GOLGA1: variants seen among roughly 807,000 people sequenced by gnomAD.
GOLGA1 encodes the protein golgin subfamily A member 1.
In GOLGA1, 63 loss-of-function variants were observed where a neutral mutation model predicts 119.7. That is an observed-to-expected ratio of 0.53 (90% CI 0.43 to 0.65). The LOEUF is 0.65. Among genes scored for constraint, GOLGA1 ranks in the 30% least tolerant of loss-of-function variants. The probability of loss-of-function intolerance (pLI) is 0.00; values close to 1 mark genes in which losing one functional copy is unlikely to be tolerated. For missense variants in GOLGA1, 798 were observed against 912.8 expected, an observed-to-expected ratio of 0.87 and a Z score of 1.62; for synonymous variants, 318 against 333.4, an observed-to-expected ratio of 0.95 and a Z score of 0.50.
At chr9:124,882,344 G>T (rs1490558090) in intron 20 of GOLGA1, among the ~76,000 whole-genome samples, 166 bp downstream of exon 20, 1 of 152,214 alleles carries the variant, frequency 6.6e-6, no homozygotes, top group Non-Finnish European at 1.5e-5. Context: ...GTGCATGCAG[G>T]CTGGCAGGCT....
chr9:124,902,690 C>T (rs138131112), intron 12 of GOLGA1, among the ~76,000 whole-genome samples: 2,136 of 145,394 alleles, frequency 0.015, 90 homozygotes, highest in Admixed American at 0.087. Flanking sequence ...AGGGTTTCAC[C>T]GTGTTAGCCA....
At position 124,881,267 on chromosome 9, in the gene GOLGA1, AG is replaced by A. The variant is rs1170187135; in HGVS notation, c.2137-11del. 1 of 1,570,418 alleles carries A rather than the reference AG, an allele frequency of 6.4e-7. No homozygotes were observed. Among genetic ancestry groups the A allele is most frequent in the South Asian group, 1.1e-5 (1 of 90,250 alleles). On this transcript the variant is annotated splice_polypyrimidine_tract_variant and intron_variant, in intron 21 of 22. Transcript: ENST00000373555. The surrounding 1 kb of genome is among the most constrained non-coding windows in gnomAD (Gnocchi z 4.9). ...TTATAAGATGAAAAGCCTGAAACAC[AG>A]TAAGTTTTGCTGCCATAGGCCTTGG...
intron 10 of GOLGA1, among the ~76,000 whole-genome samples, chr9:124,915,977 C>T (rs1830433753): frequency 1.3e-5 from 2 of 151,018 alleles, no homozygotes; most frequent in South Asian, 2.1e-4. Context: ...TGGCATGTGC[C>T]TATAGTCCCA....
rs576011656 is a variant in GOLGA1, at chr9:124,929,821, C to A, written c.227-531G>T. The stretch of plus-strand genomic sequence containing the variant: ...TTCTACACAGGAACTTGGTAACCTA[C>A]GCTACATTAAATGTGAATGTCAGAA... On this transcript the variant is annotated intron_variant, in intron 4 of 22. Coordinates refer to ENST00000373555, the MANE Select transcript of GOLGA1 (RefSeq NM_002077.4). Among the ~76,000 whole-genome samples, 12 of 152,176 alleles carry A rather than the reference C, an allele frequency of 7.9e-5. No individual in the cohort carries two copies. In the East Asian group the frequency reaches 1.2e-3, roughly 15 times the overall value.
chr9:124,944,057 G>A (rs1720667873), upstream of GOLGA1: 1 of 152,120 alleles, frequency 6.6e-6, no homozygotes, highest in Non-Finnish European at 1.5e-5. Flanking sequence ...TACCTCAACT[G>A]GAAGAATCAT....
chr9:124,898,518 TTA>T (rs1830028083), intron 15 of GOLGA1, 29 bp downstream of exon 15: 2 of 1,265,234 alleles, frequency 1.6e-6, no homozygotes, highest in Middle Eastern at 1.9e-4. Flanking sequence ...ATGAACACTT[TTA>T]TGAAACTTTG....
chr9:124,910,151 G>A (rs553750063), intron 11 of GOLGA1, among the ~76,000 whole-genome samples: 1 of 152,026 alleles, frequency 6.6e-6, no homozygotes, highest in African/African-American at 2.4e-5. Context: ...GGATGGTCTC[G>A]ATCTCCTGAT....
chr9:124,902,278 A>AT (rs1219870858), intron 12 of GOLGA1, among the ~76,000 whole-genome samples: 1 of 150,810 alleles, frequency 6.6e-6, no homozygotes, highest in African/African-American at 2.4e-5. Flanking sequence ...TACCCAGCTA[A>AT]TTTTTTCTAT....
intron 2 of GOLGA1, among the ~76,000 whole-genome samples, chr9:124,939,550 C>CTTTTTTTTTTTTTTTT (rs3051147): frequency 2.4e-5 from 2 of 81,858 alleles, no homozygotes; most frequent in Non-Finnish European, 4.7e-5. Flanking sequence ...TTCTTTCTTT[C>CTTTTTTTTTTTTTTTT]TTTTTTTTTT....
intron 11 of GOLGA1, among the ~76,000 whole-genome samples, chr9:124,910,442 T>C (rs1830318853): frequency 6.6e-6 from 1 of 152,226 alleles, no homozygotes; most frequent in Non-Finnish European, 1.5e-5. Flanking sequence ...GATGGCACAA[T>C]AATAATATTG....
intron 15 of GOLGA1, 124 bp downstream of exon 15, chr9:124,898,425 G>C (rs1830024116): frequency 4.7e-6 from 3 of 634,696 alleles, no homozygotes; most frequent in African/African-American, 1.8e-5. Context: ...ATGCCTAACA[G>C]AACTATTGAA....
chr9:124,886,809 G>T (rs1829731392), intron 19 of GOLGA1, among the ~76,000 whole-genome samples: 1 of 152,094 alleles, frequency 6.6e-6, no homozygotes, highest in Non-Finnish European at 1.5e-5. Context: ...GCACCAGGGT[G>T]GGTGAGGCAG....
rs565476313 is a variant in GOLGA1, at chr9:124,916,294, T to C, written c.844-4268A>G. On this transcript the variant is annotated intron_variant, in intron 10 of 22. Transcript: ENST00000373555. The stretch of plus-strand genomic sequence containing the variant: ...CAGTAGAGTAAAAAATGTGTAATTC[T>C]GAACACTGTGGGTTAAATAAAAACA... Among the ~76,000 whole-genome samples, 44 of 152,124 alleles carry C rather than the reference T, an allele frequency of 2.9e-4. No individual in the cohort carries two copies. The South Asian group carries it at 3.1e-3, about 11-fold the overall frequency.
intron 10 of GOLGA1, among the ~76,000 whole-genome samples, chr9:124,920,175 T>C (rs1390086771): frequency 6.6e-6 from 1 of 152,078 alleles, no homozygotes; most frequent in Non-Finnish European, 1.5e-5. Context: ...GCTACAGTGC[T>C]GTGATATGGT....
chr9:124,925,323 T>A (rs1042765700), intron 7 of GOLGA1, among the ~76,000 whole-genome samples: 3 of 151,560 alleles, frequency 2.0e-5, no homozygotes, highest in Non-Finnish European at 4.4e-5. Context: ...TATCTCCATA[T>A]TTAAGAAGAC....
At chr9:124,926,919 A>G (rs533994057) in intron 6 of GOLGA1, among the ~76,000 whole-genome samples, 178 bp from the exon 7 acceptor site, 13 of 152,346 alleles carry the variant, frequency 8.5e-5, no homozygotes, top group African/African-American at 2.9e-4. Flanking sequence ...AAGAGTCACA[A>G]AAATAGAAGA....
At position 124,878,824 on chromosome 9, in the gene GOLGA1, C is replaced by G. The variant is rs953727325; in HGVS notation, c.*1706G>C. The G allele has an allele frequency of 9.9e-5, 15 of 152,168 alleles. No individual in the cohort carries two copies. The highest frequency in any genetic ancestry group is 3.1e-4 in the African/African-American group (13 of 41,432). The allele number at this position is 152,168 out of a possible 1,614,324, so 9.4% of individuals were successfully genotyped here. A position where few individuals can be genotyped will look rare whatever the true frequency, so the allele number is the denominator to read the frequency against. On this transcript the variant is annotated 3_prime_UTR_variant, in exon 23 of 23. Coordinates refer to ENST00000373555, the MANE Select transcript of GOLGA1 (RefSeq NM_002077.4). ...AGCTACCCAGTCTTAGAGATTCTTT[C>G]CTGGAACAGTTGAAAAAGGAAATCC... is the stretch of plus-strand genomic sequence containing the variant.
intron 15 of GOLGA1, among the ~76,000 whole-genome samples, chr9:124,891,149 C>T (rs556225403): frequency 3.3e-5 from 5 of 152,194 alleles, no homozygotes; most frequent in Admixed American, 1.3e-4. Flanking sequence ...GCTGACAAGA[C>T]AGAACTGAGT....
intron 10 of GOLGA1, 94 bp downstream of exon 10, chr9:124,921,035 G>T (rs542777951): frequency 2.6e-6 from 2 of 779,374 alleles, no homozygotes; most frequent in South Asian, 1.4e-5. Flanking sequence ...CATGAGAAAT[G>T]TATGTTCAGT....
Sources: allele counts gnomAD v4.1 joint callset (sites outside exome capture counted in the v4.1 genomes callset), GRCh38; gene constraint gnomAD v4.1.1; non-coding constraint Gnocchi (gnomAD v3.1); transcripts MANE v1.5; gene names NCBI Gene and HGNC (gene_info 2026-07-23, HGNC 2026-07-21).